LOC400499: variants seen among roughly 807,000 people sequenced by gnomAD.
the LOC400499 span, chr16:11,461,202 G>A: frequency 3.4e-6 from 5 of 1,450,020 alleles, no homozygotes; most frequent in South Asian, 2.8e-5. Context: ...AGGGACTCAG[G>A]TATCACCGAG....
At chr16:11,439,241 G>C in the LOC400499 span, among the ~76,000 whole-genome samples, 1 of 152,216 alleles carries the variant, frequency 6.6e-6, no homozygotes, top group Non-Finnish European at 1.5e-5. Context: ...CCATTTTCAA[G>C]AGTGAAATGT....
chr16:11,519,798 C>T, the LOC400499 span, among the ~76,000 whole-genome samples: 1 of 151,648 alleles, frequency 6.6e-6, no homozygotes, highest in African/African-American at 2.4e-5. Flanking sequence ...CTCCATCTCC[C>T]GGGTTCAAGC....
At chr16:11,525,616 G>A in the LOC400499 span, among the ~76,000 whole-genome samples, 4 of 152,064 alleles carry the variant, frequency 2.6e-5, no homozygotes, top group African/African-American at 7.2e-5. Context: ...TCTCGATTGT[G>A]CACAAGCCCA....
chr16:11,404,872 A>G, the LOC400499 span: 1 of 398,860 alleles, frequency 2.5e-6, no homozygotes, highest in East Asian at 3.6e-5. Flanking sequence ...CTGAGCTGGA[A>G]GAGAATGACG....
chr16:11,455,029 C>A, the LOC400499 span, among the ~76,000 whole-genome samples: 1 of 152,022 alleles, frequency 6.6e-6, no homozygotes, highest in Non-Finnish European at 1.5e-5. Context: ...GTCTGACCAC[C>A]TGGAAAAAAG....
chr16:11,399,465 A>T, the LOC400499 span: 40 of 399,716 alleles, frequency 1.0e-4, no homozygotes, highest in Non-Finnish European at 1.6e-4. Context: ...TGCTCCCCTG[A>T]CCTCACCTCG....
chr16:11,393,665 T>C, the LOC400499 span: 1 of 1,002,470 alleles, frequency 1.0e-6, no homozygotes, highest in Non-Finnish European at 1.3e-6. Flanking sequence ...GAGGCTGCTG[T>C]TGGACCTGTA....
At chr16:11,486,294 GATGA>G in the LOC400499 span, among the ~76,000 whole-genome samples, 2 of 94,752 alleles carry the variant, frequency 2.1e-5, no homozygotes, top group South Asian at 3.0e-4. Flanking sequence ...TGGATGGATG[GATGA>G]ATGGTACATG....
At chr16:11,429,357 G>A in the LOC400499 span, among the ~76,000 whole-genome samples, 1 of 152,166 alleles carries the variant, frequency 6.6e-6, no homozygotes, top group Non-Finnish European at 1.5e-5. Context: ...GCAGAACTAT[G>A]AGCCAACGTC....
the LOC400499 span, chr16:11,398,597 G>A: frequency 9.8e-7 from 1 of 1,018,316 alleles, no homozygotes; most frequent in Non-Finnish European, 1.3e-6. Flanking sequence ...ACCTAGGCAA[G>A]AGCATGTGCC....
chr16:11,513,534 G>A, the LOC400499 span, among the ~76,000 whole-genome samples: 1 of 152,050 alleles, frequency 6.6e-6, no homozygotes, highest in African/African-American at 2.4e-5. Context: ...GGGTTCAAAC[G>A]ATTCTCCGGC....
At chr16:11,417,245 G>A in the LOC400499 span, among the ~76,000 whole-genome samples, 1 of 151,832 alleles carries the variant, frequency 6.6e-6, no homozygotes, top group South Asian at 2.1e-4. Context: ...TTTTTATTTT[G>A]AGACAGGGTC....
chr16:11,412,747 G>C, the LOC400499 span: 1 of 397,112 alleles, frequency 2.5e-6, no homozygotes, highest in Non-Finnish European at 4.4e-6. Context: ...GCTGAGCAGA[G>C]AATTGAGAGG....
the LOC400499 span, among the ~76,000 whole-genome samples, chr16:11,385,772 G>C: frequency 6.6e-6 from 1 of 152,240 alleles, no homozygotes; most frequent in Non-Finnish European, 1.5e-5. Context: ...AGGCAGATTG[G>C]TGGCTGCAGG....
At chr16:11,448,179 C>T in the LOC400499 span, 2 of 1,356,108 alleles carry the variant, frequency 1.5e-6, no homozygotes, top group Non-Finnish European at 2.0e-6. Flanking sequence ...GCCCATCACC[C>T]CCAGAAATGA....
At chr16:11,486,541 G>C in the LOC400499 span, among the ~76,000 whole-genome samples, 3 of 127,982 alleles carry the variant, frequency 2.3e-5, no homozygotes, top group African/African-American at 9.2e-5. Context: ...ATGGGAGGGT[G>C]GGTGGATAGA....
chr16:11,526,074 C>G, the LOC400499 span, among the ~76,000 whole-genome samples: 1 of 152,152 alleles, frequency 6.6e-6, no homozygotes. Flanking sequence ...TACCAAGTAC[C>G]TATAGCATGC....
At chr16:11,420,926 T>C in the LOC400499 span, among the ~76,000 whole-genome samples, 62 of 152,338 alleles carry the variant, frequency 4.1e-4, 1 homozygote, top group East Asian at 0.012. Context: ...TGCTGGGCTC[T>C]GATCATGTGC....
At chr16:11,517,244 C>G in the LOC400499 span, among the ~76,000 whole-genome samples, 1 of 152,164 alleles carries the variant, frequency 6.6e-6, no homozygotes, top group Admixed American at 6.5e-5. Flanking sequence ...TCTAACTTGT[C>G]TCGCTCCCTC....
Sources: gnomAD v4.1 joint callset for allele counts (sites outside exome capture counted in the v4.1 genomes callset) on GRCh38, gnomAD v4.1.1 for gene constraint, MANE v1.5 for transcripts.